NR6A1: variants seen among roughly 807,000 people sequenced by gnomAD.
NR6A1 encodes the protein retinoic acid receptor-related testis-associated receptor.
NR6A1 carries 7 observed loss-of-function variants against 59.1 expected under a neutral mutation model. That is an observed-to-expected ratio of 0.12 (90% CI 0.07 to 0.22). NR6A1 has a LOEUF of 0.22. Ranked by LOEUF, NR6A1 falls within the 10% of genes least tolerant of loss-of-function variation. NR6A1 has a pLI of 1.00. For synonymous variants in NR6A1, 243 were observed against 236.1 expected (o/e 1.03, Z -0.27); for missense variants, 468 against 611.6 (o/e 0.77, Z 2.48).
At chr9:124,668,566 A>AAGGTGGG (rs1351496321) in intron 2 of NR6A1, among the ~76,000 whole-genome samples, 1 of 152,204 alleles carries the variant, frequency 6.6e-6, no homozygotes, top group Non-Finnish European at 1.5e-5. Context: ...AATCTCACTC[A>AAGGTGGG]CAGAAAAAAT....
intron 2 of NR6A1, among the ~76,000 whole-genome samples, chr9:124,573,025 G>A (rs1411346984): frequency 6.6e-6 from 1 of 152,196 alleles, no homozygotes; most frequent in Non-Finnish European, 1.5e-5. Context: ...ACAGTTCATG[G>A]TTCAAAGTTG....
intron 2 of NR6A1, among the ~76,000 whole-genome samples, chr9:124,674,400 C>T (rs1837890244): frequency 6.6e-6 from 1 of 152,024 alleles, no homozygotes; most frequent in Admixed American, 6.5e-5. Flanking sequence ...AATCCTGGCT[C>T]TGCCACTTAA....
At chr9:124,706,268 C>A (rs1360853543) in intron 2 of NR6A1, among the ~76,000 whole-genome samples, 1 of 152,126 alleles carries the variant, frequency 6.6e-6, no homozygotes, top group African/African-American at 2.4e-5. Context: ...ATGGTATAAT[C>A]CTTGCTCTAT....
At chr9:124,749,596 G>A (rs1286124378) in intron 1 of NR6A1, among the ~76,000 whole-genome samples, 1 of 151,960 alleles carries the variant, frequency 6.6e-6, no homozygotes, top group Non-Finnish European at 1.5e-5. Context: ...TGTTGCCCAG[G>A]CTGTAGTGCA....
chr9:124,659,441 G>A (rs1021850690), intron 2 of NR6A1, among the ~76,000 whole-genome samples: 1 of 152,228 alleles, frequency 6.6e-6, no homozygotes, highest in South Asian at 2.1e-4. Flanking sequence ...GTGAGGGAGA[G>A]AAGTATGGTA....
intron 2 of NR6A1, among the ~76,000 whole-genome samples, chr9:124,611,774 A>AGAGAGAGAGAGAATGAGAGAGAAT (rs148472095): frequency 1.9e-5 from 2 of 105,650 alleles, no homozygotes; most frequent in South Asian, 3.3e-4. Flanking sequence ...AGAGAGAGAG[A>AGAGAGAGAGAGAATGAGAGAGAAT]GAGAGAGAAT....
chr9:124,723,383 A>G (rs1299313899), intron 2 of NR6A1, among the ~76,000 whole-genome samples: 1 of 152,204 alleles, frequency 6.6e-6, no homozygotes, highest in South Asian at 2.1e-4. Flanking sequence ...TGGCTGGGGA[A>G]GAGGACCAAA....
At chr9:124,558,531 A>G (rs1833990969) in intron 2 of NR6A1, among the ~76,000 whole-genome samples, 1 of 152,114 alleles carries the variant, frequency 6.6e-6, no homozygotes, top group South Asian at 2.1e-4. Flanking sequence ...GAAAAATAAC[A>G]ACAGAATCAG....
intron 2 of NR6A1, among the ~76,000 whole-genome samples, chr9:124,657,727 A>G (rs1837301063): frequency 1.3e-5 from 2 of 151,844 alleles, no homozygotes; most frequent in African/African-American, 4.9e-5. Context: ...AGTAGGGTCC[A>G]TGCTTTCATA....
chr9:124,653,662 C>T (rs950042267), intron 2 of NR6A1, among the ~76,000 whole-genome samples: 4 of 152,210 alleles, frequency 2.6e-5, no homozygotes, highest in Non-Finnish European at 5.9e-5. Context: ...TCCACCATGG[C>T]GTCCCAAAGC....
intron 1 of NR6A1, among the ~76,000 whole-genome samples, chr9:124,760,456 T>C (rs1223654707): frequency 1.3e-5 from 2 of 152,198 alleles, no homozygotes; most frequent in African/African-American, 4.8e-5. Context: ...CATAGATAAA[T>C]GCCCCAGATT....
At chr9:124,680,118 GTGTT>G (rs1400326012) in intron 2 of NR6A1, among the ~76,000 whole-genome samples, 7 of 149,720 alleles carry the variant, frequency 4.7e-5, no homozygotes, top group South Asian at 4.2e-4. Context: ...GTGTGTGTGT[GTGTT>G]TATGTATGTA....
chr9:124,549,116 A>C (rs1449944966), intron 3 of NR6A1, among the ~76,000 whole-genome samples: 1 of 152,234 alleles, frequency 6.6e-6, no homozygotes, highest in Non-Finnish European at 1.5e-5. Flanking sequence ...AAGGCATGCA[A>C]AAAAGCTGTG....
intron 2 of NR6A1, among the ~76,000 whole-genome samples, chr9:124,680,672 T>C (rs1838122666): frequency 6.6e-6 from 1 of 152,192 alleles, no homozygotes; most frequent in Non-Finnish European, 1.5e-5. Context: ...CAGCCATAAA[T>C]GTTAGCTCTG....
chr9:124,533,642 T>A (rs1446441269), intron 7 of NR6A1, among the ~76,000 whole-genome samples: 1 of 150,532 alleles, frequency 6.6e-6, no homozygotes, highest in Non-Finnish European at 1.5e-5. Flanking sequence ...CCAACTTTCA[T>A]GGATAGGGGC....
chr9:124,571,230 G>A (rs779630546), intron 2 of NR6A1, among the ~76,000 whole-genome samples: 2 of 152,176 alleles, frequency 1.3e-5, no homozygotes, highest in Non-Finnish European at 2.9e-5. Context: ...CTTGCTGGCT[G>A]TGGGTATTTA....
At chr9:124,595,739 T>C (rs1340753571) in intron 2 of NR6A1, 1 of 1,263,292 alleles carries the variant, frequency 7.9e-7, no homozygotes, top group Non-Finnish European at 1.0e-6. Flanking sequence ...GGCCCCAGAC[T>C]GTTCCTTACC....
At chr9:124,643,201 C>A (rs895016211) in intron 2 of NR6A1, among the ~76,000 whole-genome samples, 1 of 152,072 alleles carries the variant, frequency 6.6e-6, no homozygotes, top group Non-Finnish European at 1.5e-5. Flanking sequence ...GTGGCTCACA[C>A]CTGTAATACC....
chr9:124,771,171 C>T lies in NR6A1; in HGVS notation c.-52G>A. On this transcript the variant is annotated 5_prime_UTR_variant, in exon 1 of 10. Transcript: ENST00000487099. ...GTTTGTTGCTCCGCCATGACCGGCGCCCTAGTCGCCGTGGTCGTCGTCCGC... is the reference window on the plus strand; with the variant it reads ...GTTTGTTGCTCCGCCATGACCGGCGTCCTAGTCGCCGTGGTCGTCGTCCGC... 6 of 1,032,724 alleles carry T rather than the reference C, an allele frequency of 5.8e-6. No homozygotes were observed. The highest frequency in any genetic ancestry group is 3.0e-4 in the Middle Eastern group (1 of 3,362). The allele number at this position is 1,032,724 out of a possible 1,614,324, so 64.0% of individuals were successfully genotyped here. A position where few individuals can be genotyped will look rare whatever the true frequency, so the allele number is the denominator to read the frequency against.
Sources: allele counts gnomAD v4.1 joint callset (sites outside exome capture counted in the v4.1 genomes callset), GRCh38; gene constraint gnomAD v4.1.1; transcripts MANE v1.5; gene names NCBI Gene and HGNC (gene_info 2026-07-23, HGNC 2026-07-21).